BACE2: variants seen among roughly 807,000 people sequenced by gnomAD.
The protein encoded by BACE2 is beta-secretase 2.
A neutral mutation model predicts 46.2 loss-of-function variants in BACE2; 17 were observed. The ratio of observed to expected loss-of-function variants is 0.37; its 90% CI spans 0.25 to 0.55. The LOEUF is 0.55. Ranked by LOEUF, BACE2 falls within the 20% of genes least tolerant of loss-of-function variation. The pLI, the probability that BACE2 is intolerant of heterozygous loss-of-function variation, is 0.82. For missense variants in BACE2, 595 were observed against 698.1 expected (o/e 0.85, Z 1.66); for synonymous variants, 277 against 295.9 (o/e 0.94, Z 0.66).
chr21:41,211,199 C>T (rs1036437227), intron 1 of BACE2, among the ~76,000 whole-genome samples: 8 of 150,358 alleles, frequency 5.3e-5, no homozygotes, highest in East Asian at 2.0e-4. Flanking sequence ...TCACTGCCAC[C>T]GTCCACTTGG....
chr21:41,271,648 C>A (rs185298756), intron 8 of BACE2, among the ~76,000 whole-genome samples: 1 of 152,084 alleles, frequency 6.6e-6, no homozygotes, highest in Admixed American at 6.5e-5. Context: ...AGCTATAACT[C>A]TATATCGTGA....
chr21:41,187,189 C>G (rs1221041355), intron 1 of BACE2, among the ~76,000 whole-genome samples: 1 of 152,198 alleles, frequency 6.6e-6, no homozygotes, highest in East Asian at 1.9e-4. Context: ...CAGATAGATT[C>G]AGCTGTGCTG....
In BACE2 at chr21:41,279,207, T is replaced by C. The variant is rs2088520396; in HGVS notation, c.*3583T>C. 1 of 152,260 alleles carries C rather than the reference T, an allele frequency of 6.6e-6. No homozygotes were observed. The highest frequency in any genetic ancestry group is 1.5e-5 in the Non-Finnish European group (1 of 68,018). The allele number at this position is 152,260 out of a possible 1,614,324, so 9.4% of individuals were successfully genotyped here. On this transcript the variant is annotated 3_prime_UTR_variant, in exon 9 of 9. Coordinates refer to ENST00000330333, the MANE Select transcript of BACE2 (RefSeq NM_012105.5). ...ACTTTACAGCTGTTTACCAATTAAA[T>C]GGCAAGCTGGAAAAATACATTTTGA... is the stretch of plus-strand genomic sequence containing the variant.
intron 1 of BACE2, among the ~76,000 whole-genome samples, chr21:41,203,575 T>G (rs1287801223): frequency 1.3e-5 from 2 of 152,136 alleles, no homozygotes; most frequent in African/African-American, 4.8e-5. Flanking sequence ...ATGCCATTCC[T>G]AATACCCATG....
chr21:41,208,446 G>T (rs1005748019), intron 1 of BACE2, among the ~76,000 whole-genome samples: 10 of 152,188 alleles, frequency 6.6e-5, no homozygotes, highest in African/African-American at 2.4e-4. Context: ...CGCCCAAGCC[G>T]GGCTGGGAAG....
chr21:41,183,002 C>T (rs1260668783), intron 1 of BACE2: 1 of 166,324 alleles, frequency 6.0e-6, no homozygotes, highest in African/African-American at 2.4e-5. Flanking sequence ...ATAAAGAATA[C>T]ATTTCTTTAG....
At chr21:41,245,272 A>G (rs1987432813) in intron 5 of BACE2, among the ~76,000 whole-genome samples, 1 of 152,228 alleles carries the variant, frequency 6.6e-6, no homozygotes, top group Non-Finnish European at 1.5e-5. Flanking sequence ...ATTTGCCTTA[A>G]GGCAGGAGGA....
chr21:41,169,589 G>C (rs1479222690), intron 1 of BACE2, among the ~76,000 whole-genome samples: 1 of 151,948 alleles, frequency 6.6e-6, no homozygotes, highest in Non-Finnish European at 1.5e-5. Flanking sequence ...ATTGTCATTT[G>C]GGTTTTGATT....
rs986130567 is a variant in BACE2 at position 41,236,994 on chromosome 21, C to T, written c.402-519C>T. Among the ~76,000 whole-genome samples, 27 of 152,280 alleles carry T rather than the reference C, an allele frequency of 1.8e-4. 1 individual carries two copies. The East Asian group carries it at 4.4e-3, about 25-fold the overall frequency. The stretch of plus-strand genomic sequence containing the variant: ...GAAAACACTGTTACCAAAACATTAG[C>T]GATTATGTTTTTGGGGGAAGCTGTC... On this transcript the variant is annotated intron_variant, in intron 2 of 8. Transcript: ENST00000330333.
intron 1 of BACE2, among the ~76,000 whole-genome samples, chr21:41,190,466 A>C (rs1985528374): frequency 6.6e-6 from 1 of 152,230 alleles, no homozygotes; most frequent in African/African-American, 2.4e-5. Flanking sequence ...ACATGCACAA[A>C]CATGTTTTTA....
intron 1 of BACE2, among the ~76,000 whole-genome samples, chr21:41,171,561 C>T (rs777035663): frequency 7.2e-4 from 109 of 152,220 alleles, no homozygotes; most frequent in Non-Finnish European, 1.4e-3. Context: ...TGGGTTCTTT[C>T]GAACTGTAGA....
intron 8 of BACE2, among the ~76,000 whole-genome samples, chr21:41,257,734 T>C (rs536032607): frequency 6.6e-6 from 1 of 152,306 alleles, no homozygotes; most frequent in African/African-American, 2.4e-5. Context: ...ACACCTATCG[T>C]TGCGATTTCT....
intron 1 of BACE2, among the ~76,000 whole-genome samples, chr21:41,188,442 G>A (rs765496715): frequency 2.0e-5 from 3 of 152,190 alleles, no homozygotes; most frequent in Non-Finnish European, 2.9e-5. Flanking sequence ...CTGAGAGGCC[G>A]AAGAAGAGGC....
intron 6 of BACE2, among the ~76,000 whole-genome samples, chr21:41,250,114 T>C (rs1010252111): frequency 5.9e-5 from 9 of 152,176 alleles, no homozygotes; most frequent in African/African-American, 2.2e-4. Flanking sequence ...CCAATCAGTG[T>C]AAATTGTTAA....
At chr21:41,265,112 T>TA (rs1291667308) in intron 8 of BACE2, among the ~76,000 whole-genome samples, 3 of 152,108 alleles carry the variant, frequency 2.0e-5, no homozygotes, top group Non-Finnish European at 4.4e-5. Flanking sequence ...ATTTAGAAGG[T>TA]ACGATATAGC....
Position 41,193,460 on chromosome 21 carries a change from G to T in BACE2, c.312+24885G>T, listed in dbSNP as rs558631715. Among the ~76,000 whole-genome samples the T allele has an allele frequency of 5.3e-5, 8 of 152,342 alleles. No homozygotes were observed. The highest frequency in any genetic ancestry group is 5.2e-4 in the Admixed American group (8 of 15,308). ...TCTTCTGCACAGGCCAGATGGGAGA[G>T]TTGAATGGGGATGTGGTGGGAATCA... is the stretch of plus-strand genomic sequence containing the variant. On this transcript the variant is annotated intron_variant, in intron 1 of 8. Coordinates refer to ENST00000330333, the MANE Select transcript of BACE2 (RefSeq NM_012105.5). This position sits in a 1 kb window ranked among gnomAD's most constrained non-coding sequence, Gnocchi z 4.2.
At chr21:41,241,687 G>A in intron 3 of BACE2, 132 bp from the exon 4 acceptor site, 4 of 1,004,722 alleles carry the variant, frequency 4.0e-6, no homozygotes, top group Non-Finnish European at 5.9e-6. Flanking sequence ...TCACAAGCTG[G>A]TGTACTGTTG....
At chr21:41,172,528 A>T (rs1984642236) in intron 1 of BACE2, among the ~76,000 whole-genome samples, 1 of 152,258 alleles carries the variant, frequency 6.6e-6, no homozygotes, top group Admixed American at 6.5e-5. Flanking sequence ...TAGTGAAGGC[A>T]AAGCAGGGTG....
At chr21:41,224,124 C>G (rs1321181506) in intron 1 of BACE2, among the ~76,000 whole-genome samples, 2 of 151,946 alleles carry the variant, frequency 1.3e-5, no homozygotes, top group South Asian at 4.2e-4. Context: ...GAGACAAACA[C>G]TGGTCCCAGC....
Sources: allele counts gnomAD v4.1 joint callset (sites outside exome capture counted in the v4.1 genomes callset), GRCh38; gene constraint gnomAD v4.1.1; non-coding constraint Gnocchi (gnomAD v3.1); transcripts MANE v1.5; gene names NCBI Gene and HGNC (gene_info 2026-07-23, HGNC 2026-07-21).